The following GPD1L variants were observed in gnomAD, a reference collection of about 807,000 sequenced individuals.
GPD1L encodes the protein glycerol-3-phosphate dehydrogenase 1 like, also known as glycerol-3-phosphate dehydrogenase 1-like protein.
Under a neutral mutation model 32.9 loss-of-function variants are expected in GPD1L, and 17 were observed. The ratio of observed to expected loss-of-function variants is 0.52; its 90% confidence interval spans 0.35 to 0.78. The LOEUF is 0.78. Ranked by LOEUF, GPD1L falls within the 30% of genes least tolerant of loss-of-function variation. The probability of loss-of-function intolerance (pLI) is 0.01; values close to 1 mark genes in which losing one functional copy is unlikely to be tolerated. For missense variants in GPD1L, 361 were observed against 447.8 expected, an observed-to-expected ratio of 0.81 and a Z score of 1.75; for synonymous variants, 187 against 165.9, an observed-to-expected ratio of 1.13 and a Z score of -0.98.
In GPD1L at chr3:32,146,376, G is replaced by A. The variant is rs115862528; in HGVS notation, c.506-246G>A. On this transcript the variant is annotated intron_variant, in intron 4 of 7. Transcript: ENST00000282541. ...GCTGGGATTACAGGTGTGAGTCATC[G>A]TGTCTGGCCAAAAAAAACTTTAGAT... Among the ~76,000 whole-genome samples the A allele has an allele frequency of 1.5e-3, 225 of 152,190 alleles. 2 individuals are homozygous for A. Among genetic ancestry groups the A allele is most frequent in the African/African-American group, 5.2e-3 (215 of 41,520 alleles).
At position 32,140,218 on chromosome 3, in the gene GPD1L, A is replaced by G. The variant is rs113764055; in HGVS notation, c.367-10A>G. ...GTTTGTTCTCTCCTAACTTCTTGGC[A>G]TCCTTGTAGGGCATAGACGAGGGCC... On this transcript the variant is annotated splice_polypyrimidine_tract_variant and intron_variant, in intron 3 of 7. Coordinates refer to ENST00000282541, the MANE Select transcript of GPD1L (RefSeq NM_015141.4). 3.7e-6 allele frequency: 6 copies of G among 1,613,820 alleles called. No individual in the cohort carries two copies. Among genetic ancestry groups the G allele is most frequent in the Non-Finnish European group, 5.1e-6 (6 of 1,179,958 alleles).
chr3:32,149,845 A>T (rs1314452003), intron 5 of GPD1L, among the ~76,000 whole-genome samples: 1 of 151,904 alleles, frequency 6.6e-6, no homozygotes, highest in Admixed American at 6.6e-5. Context: ...GCTACTCGGG[A>T]GGCTGAGGCA....
At position 32,123,449 on chromosome 3, in the gene GPD1L, C is replaced by A. The variant is rs183578270; in HGVS notation, c.48-4627C>A. Among the ~76,000 whole-genome samples the A allele has an allele frequency of 5.3e-5, 8 of 152,246 alleles. No individual in the cohort carries two copies. In the East Asian group the frequency reaches 1.5e-3, roughly 29 times the overall value. On this transcript the variant is annotated intron_variant, in intron 1 of 7. Coordinates refer to ENST00000282541, the MANE Select transcript of GPD1L (RefSeq NM_015141.4). ...CGAGACATTCTGCACTCGCTCAGGA[C>A]CATGAGAGTTGAAAAGGGCATGAGT...
intron 1 of GPD1L, among the ~76,000 whole-genome samples, chr3:32,107,139 G>A (rs956081157): frequency 6.6e-6 from 1 of 152,198 alleles, no homozygotes; most frequent in Non-Finnish European, 1.5e-5. Flanking sequence ...CTTGGTGGAG[G>A]CTCGAGCATT....
intron 1 of GPD1L, among the ~76,000 whole-genome samples, chr3:32,114,894 G>C (rs1700304015): frequency 6.6e-6 from 1 of 152,150 alleles, no homozygotes; most frequent in Non-Finnish European, 1.5e-5. Context: ...TGTTCCTCCA[G>C]GTGGGTTTGT....
intron 2 of GPD1L, among the ~76,000 whole-genome samples, chr3:32,137,330 G>T (rs1345829596): frequency 1.3e-5 from 2 of 152,220 alleles, no homozygotes; most frequent in African/African-American, 4.8e-5. Flanking sequence ...GACATTTGTG[G>T]TTGGTGTAGC....
intron 5 of GPD1L, among the ~76,000 whole-genome samples, chr3:32,154,208 C>G (rs961151274): frequency 6.6e-6 from 1 of 151,982 alleles, no homozygotes; most frequent in Non-Finnish European, 1.5e-5. Context: ...AGGAGTTTAC[C>G]CTGCACTAGG....
intron 1 of GPD1L, among the ~76,000 whole-genome samples, chr3:32,122,446 A>G (rs1344990530): frequency 2.0e-5 from 3 of 152,236 alleles, no homozygotes; most frequent in Non-Finnish European, 2.9e-5. Context: ...ATGAAATCTT[A>G]TATGAAGTAC....
At chr3:32,109,427 G>T (rs1700216173) in intron 1 of GPD1L, among the ~76,000 whole-genome samples, 1 of 152,154 alleles carries the variant, frequency 6.6e-6, no homozygotes, top group Admixed American at 6.6e-5. Context: ...TCTTCATTCT[G>T]GTGTACTTGA....
rs551210584 is a variant in GPD1L at position 32,144,772 on chromosome 3, G to A, written c.506-1850G>A. 6.6e-5 allele frequency among the ~76,000 whole-genome samples: 10 copies of A among 150,782 alleles called. No homozygotes were observed. In the East Asian group the frequency reaches 1.4e-3, roughly 21 times the overall value. The stretch of plus-strand genomic sequence containing the variant: ...GTGATCTCGGCTCACAGCAACCTCC[G>A]CCCCCTGGGCTCAAATGATTCTAAT... On this transcript the variant is annotated intron_variant, in intron 4 of 7. Transcript: ENST00000282541.
chr3:32,115,415 C>T (rs1323073404), intron 1 of GPD1L, among the ~76,000 whole-genome samples: 1 of 152,182 alleles, frequency 6.6e-6, no homozygotes, highest in Non-Finnish European at 1.5e-5. Context: ...TTCTCCAAGT[C>T]CCCACTGGAC....
intron 4 of GPD1L, among the ~76,000 whole-genome samples, chr3:32,144,822 AACACACACACACAC>A (rs60130762): frequency 7.0e-6 from 1 of 142,064 alleles, no homozygotes. Flanking sequence ...AGTAGCTGGG[AACACACACACACAC>A]ACACACACAC....
intron 1 of GPD1L, among the ~76,000 whole-genome samples, chr3:32,118,591 C>A (rs930761704): frequency 5.3e-5 from 8 of 151,978 alleles, no homozygotes; most frequent in Admixed American, 3.9e-4. Flanking sequence ...TTAATTGTGA[C>A]AAAATACACA....
At chr3:32,121,052 G>A (rs1438678453) in intron 1 of GPD1L, among the ~76,000 whole-genome samples, 1 of 152,066 alleles carries the variant, frequency 6.6e-6, no homozygotes, top group Non-Finnish European at 1.5e-5. Context: ...CTGTGGGTAA[G>A]GTATTTGAAA....
rs181121470 is a variant in GPD1L, at chr3:32,151,780, A to G, written c.618+5046A>G. 2.5e-3 allele frequency: 383 copies of G among 153,996 alleles called. 1 individual carries two copies. The highest frequency in any genetic ancestry group is 4.1e-3 in the Non-Finnish European group (280 of 68,998). 9.5% of individuals were successfully genotyped at this position (153,996 alleles called of 1,614,324 possible). A position where few individuals can be genotyped will look rare whatever the true frequency, so the allele number is the denominator to read the frequency against. On this transcript the variant is annotated intron_variant, in intron 5 of 7. Coordinates refer to ENST00000282541, the MANE Select transcript of GPD1L (RefSeq NM_015141.4). ...AGACCTGAGCCACCACACCCTGCCAATATCACCTTTCTGATAGATTCACAT... is the reference window on the plus strand; with the variant it reads ...AGACCTGAGCCACCACACCCTGCCAGTATCACCTTTCTGATAGATTCACAT...
chr3:32,144,290 A>T (rs1174036236), intron 4 of GPD1L, among the ~76,000 whole-genome samples: 1 of 152,090 alleles, frequency 6.6e-6, no homozygotes, highest in East Asian at 1.9e-4. Context: ...TGTCATGGTG[A>T]ACTACAGTGC....
intron 6 of GPD1L, 138 bp downstream of exon 6, chr3:32,159,247 C>T: frequency 2.9e-6 from 2 of 688,346 alleles, no homozygotes; most frequent in South Asian, 1.7e-5. Flanking sequence ...TGCTTTTTCA[C>T]TTGACTCTTC....
intron 5 of GPD1L, among the ~76,000 whole-genome samples, chr3:32,157,456 T>TG (rs1378303289): frequency 5.9e-5 from 9 of 152,146 alleles, no homozygotes; most frequent in Admixed American, 2.0e-4. Flanking sequence ...AGCTCTCCCC[T>TG]GGGGGCATCT....
At chr3:32,112,621 G>C (rs1405667344) in intron 1 of GPD1L, among the ~76,000 whole-genome samples, 1 of 152,064 alleles carries the variant, frequency 6.6e-6, no homozygotes, top group Admixed American at 6.6e-5. Context: ...TGGGTGACAG[G>C]AGGGAAACCC....
Sources: gnomAD v4.1 joint callset for allele counts (sites outside exome capture counted in the v4.1 genomes callset) on GRCh38, gnomAD v4.1.1 for gene constraint, MANE v1.5 for transcripts, NCBI Gene and HGNC (gene_info 2026-07-23, HGNC 2026-07-21) for gene names.